Variants in AOPEP observed in about 807,000 individuals in gnomAD.
The protein encoded by AOPEP is aminopeptidase O (putative), also known as aminopeptidase O.
AOPEP carries 77 observed loss-of-function variants against 98.1 expected under a neutral mutation model. The ratio of observed to expected loss-of-function variants is 0.78; its 90% confidence interval spans 0.65 to 0.95. The LOEUF (loss-of-function observed/expected upper bound fraction) is 0.95, where lower values mean the gene tolerates loss of function less well. AOPEP is among the 40% of genes least tolerant of loss of function. The probability of loss-of-function intolerance (pLI) is 0.00; values close to 1 mark genes in which losing one functional copy is unlikely to be tolerated. For synonymous variants in AOPEP, 346 were observed against 365.3 expected, an observed-to-expected ratio of 0.95 and a Z score of 0.60; for missense variants, 1,024 against 1,024.7, an observed-to-expected ratio of 1.00 and a Z score of 0.01.
chr9:94,972,296 G>A lies in AOPEP; in HGVS notation c.1916+4495G>A, dbSNP rs1329866803. ...GGGCAGGTGTTTGGGGAGTCTGAAT[G>A]GGGCAGAGGGAGTGAAAGGGACGAG... On this transcript the variant is annotated intron_variant, in intron 10 of 16. Coordinates refer to ENST00000375315, the MANE Select transcript of AOPEP (RefSeq NM_001193329.3). This position sits in a 1 kb window ranked among gnomAD's most constrained non-coding sequence, Gnocchi z 4.2. 1.3e-5 allele frequency among the ~76,000 whole-genome samples: 2 copies of A among 152,130 alleles called. No individual in the cohort carries two copies. The highest frequency in any genetic ancestry group is 2.9e-5 in the Non-Finnish European group (2 of 68,026).
chr9:94,865,007 CCTT>C (rs2045551528), intron 5 of AOPEP, among the ~76,000 whole-genome samples: 1 of 152,134 alleles, frequency 6.6e-6, no homozygotes, highest in Admixed American at 6.5e-5. Flanking sequence ...TTTTACGACT[CCTT>C]CATTAACACA....
the AOPEP span, among the ~76,000 whole-genome samples, chr9:95,115,398 A>G: frequency 6.6e-6 from 1 of 152,220 alleles, no homozygotes; most frequent in Non-Finnish European, 1.5e-5. Flanking sequence ...AAATAGACGG[A>G]GACTGTAGTA....
intron 10 of AOPEP, among the ~76,000 whole-genome samples, chr9:94,974,759 C>T (rs1237366258): frequency 6.6e-6 from 1 of 152,202 alleles, no homozygotes; most frequent in Non-Finnish European, 1.5e-5. Context: ...GCCAGCTTGT[C>T]AGTTCCATAG....
At chr9:95,083,548 G>A (rs1178205260) in intron 16 of AOPEP, among the ~76,000 whole-genome samples, 2 of 138,520 alleles carry the variant, frequency 1.4e-5, no homozygotes, top group East Asian at 2.1e-4. Flanking sequence ...GAGTACACGC[G>A]GCACACACAC....
chr9:95,026,351 A>G (rs1489076343), intron 13 of AOPEP, among the ~76,000 whole-genome samples: 6 of 152,114 alleles, frequency 3.9e-5, no homozygotes, highest in African/African-American at 1.4e-4. Flanking sequence ...ATCACTGCCT[A>G]TTTCCCCCTC....
intron 5 of AOPEP, among the ~76,000 whole-genome samples, chr9:94,834,019 A>G (rs750456425): frequency 6.6e-6 from 1 of 152,192 alleles, no homozygotes; most frequent in Non-Finnish European, 1.5e-5. Context: ...AGTTACACCA[A>G]CCTGAATCTG....
At chr9:95,000,487 C>T (rs983540880) in intron 11 of AOPEP, among the ~76,000 whole-genome samples, 1 of 152,170 alleles carries the variant, frequency 6.6e-6, no homozygotes, top group Non-Finnish European at 1.5e-5. Context: ...GTGGGTGGAT[C>T]ACCTGAGATC....
intron 7 of AOPEP, among the ~76,000 whole-genome samples, chr9:94,948,625 A>G (rs910734646): frequency 2.0e-5 from 3 of 152,136 alleles, no homozygotes; most frequent in South Asian, 4.1e-4. Flanking sequence ...GGAAGCTTTC[A>G]GAGCTATAGC....
At chr9:95,048,066 C>CA (rs1159365288) in intron 13 of AOPEP, among the ~76,000 whole-genome samples, 1 of 151,778 alleles carries the variant, frequency 6.6e-6, no homozygotes, top group East Asian at 1.9e-4. Flanking sequence ...CCAGGTGGTC[C>CA]AGGAACATTT....
At chr9:95,001,513 A>G (rs1467861921) in intron 11 of AOPEP, among the ~76,000 whole-genome samples, 1 of 152,218 alleles carries the variant, frequency 6.6e-6, no homozygotes, top group African/African-American at 2.4e-5. Flanking sequence ...TTTTTAAAAA[A>G]GCGGTCTTCC....
chr9:94,764,655 A>G (rs1448466702), intron 2 of AOPEP, among the ~76,000 whole-genome samples: 1 of 152,134 alleles, frequency 6.6e-6, no homozygotes, highest in Non-Finnish European at 1.5e-5. Context: ...CTCAAAAATA[A>G]AATAAAATAA....
Position 94,944,466 on chromosome 9 carries a change from C to T in AOPEP, c.1662-10711C>T, listed in dbSNP as rs114940072. 6.8e-3 allele frequency among the ~76,000 whole-genome samples: 1,037 copies of T among 152,198 alleles called. 10 individuals carry two copies. The highest frequency in any genetic ancestry group is 0.024 in the African/African-American group (984 of 41,512). On this transcript the variant is annotated intron_variant, in intron 7 of 16. Coordinates refer to ENST00000375315, the MANE Select transcript of AOPEP (RefSeq NM_001193329.3). The stretch of plus-strand genomic sequence containing the variant: ...TGAACCTTGAAAACATTATGCTCAG[C>T]GGAAAAAGCTGGACACAAAAGGCCA...
At chr9:94,806,429 C>T (rs1251362331) in intron 5 of AOPEP, among the ~76,000 whole-genome samples, 2 of 152,146 alleles carry the variant, frequency 1.3e-5, no homozygotes, top group Non-Finnish European at 2.9e-5. Context: ...GCAGCTCATA[C>T]CATCCTTTTT....
At chr9:95,134,275 C>T in the AOPEP span, among the ~76,000 whole-genome samples, 1 of 152,152 alleles carries the variant, frequency 6.6e-6, no homozygotes, top group Non-Finnish European at 1.5e-5. Context: ...AAAGAAAGAA[C>T]ACAGAAGTCC....
the AOPEP span, among the ~76,000 whole-genome samples, chr9:95,122,021 C>A: frequency 2.0e-5 from 3 of 151,846 alleles, no homozygotes; most frequent in African/African-American, 7.3e-5. Flanking sequence ...CCATGCCCGG[C>A]GAATTTTTTT....
intron 13 of AOPEP, chr9:95,019,301 G>A: frequency 6.6e-6 from 1 of 152,210 alleles, no homozygotes. Context: ...ACAATAGATT[G>A]TCCTTGTCCC....
intron 10 of AOPEP, among the ~76,000 whole-genome samples, chr9:94,973,492 G>A (rs1213208730): frequency 6.6e-6 from 1 of 152,196 alleles, no homozygotes; most frequent in Non-Finnish European, 1.5e-5. Context: ...CATGCCAGGT[G>A]GTCAGCATAT....
At chr9:95,117,424 C>T in the AOPEP span, 1 of 1,586,976 alleles carries the variant, frequency 6.3e-7, no homozygotes, top group Non-Finnish European at 8.6e-7. Flanking sequence ...AGAGCATGAA[C>T]ATTAAGATTG....
chr9:95,055,688 TG>T (rs2066756392), intron 13 of AOPEP, among the ~76,000 whole-genome samples: 1 of 152,156 alleles, frequency 6.6e-6, no homozygotes, highest in Admixed American at 6.5e-5. Flanking sequence ...TGTCAGCCTT[TG>T]GGGGAACTTG....
Sources: allele counts gnomAD v4.1 joint callset (sites outside exome capture counted in the v4.1 genomes callset), GRCh38; gene constraint gnomAD v4.1.1; non-coding constraint Gnocchi (gnomAD v3.1); transcripts MANE v1.5; gene names NCBI Gene and HGNC (gene_info 2026-07-23, HGNC 2026-07-21).